Variants in NAV1 observed in about 807,000 individuals in gnomAD.
NAV1 encodes neuron navigator 1.
Under a neutral mutation model 175.2 loss-of-function variants are expected in NAV1, and 18 were observed. That is an observed-to-expected ratio of 0.10 (90% confidence interval 0.07 to 0.15). NAV1 has a LOEUF of 0.15. Ranked by LOEUF, NAV1 falls within the 10% of genes least tolerant of loss-of-function variation. NAV1 has a pLI of 1.00. For synonymous variants in NAV1, 897 were observed against 978.7 expected, an observed-to-expected ratio of 0.92 and a Z score of 1.56; for missense variants, 1,731 against 2,436.6, an observed-to-expected ratio of 0.71 and a Z score of 6.10.
At chr1:201,667,571 G>A (rs1396078249) in intron 1 of NAV1, among the ~76,000 whole-genome samples, 1 of 152,168 alleles carries the variant, frequency 6.6e-6, no homozygotes, top group Non-Finnish European at 1.5e-5. Flanking sequence ...GATTCTTCTT[G>A]GTTCTTATTT....
At chr1:201,688,123 T>C (rs1328859726) in intron 1 of NAV1, 2 of 152,238 alleles carry the variant, frequency 1.3e-5, no homozygotes, top group Non-Finnish European at 2.9e-5. Flanking sequence ...AGCAAGGTTG[T>C]CGGCTCTTCA....
chr1:201,595,863 C>T (rs1667334217), intron 2 of NAV1, among the ~76,000 whole-genome samples: 1 of 152,266 alleles, frequency 6.6e-6, no homozygotes, highest in Admixed American at 6.5e-5. Flanking sequence ...CCATGTCCTT[C>T]CTGATGCAGC....
intron 1 of NAV1, among the ~76,000 whole-genome samples, chr1:201,664,544 A>G (rs570801343): frequency 6.6e-6 from 1 of 152,312 alleles, no homozygotes; most frequent in East Asian, 1.9e-4. Flanking sequence ...AAGCGCCCCA[A>G]AATTGATTGT....
chr1:201,754,856 A>G (rs1238996255), intron 3 of NAV1, among the ~76,000 whole-genome samples: 7 of 152,240 alleles, frequency 4.6e-5, no homozygotes, highest in Admixed American at 1.3e-4. Flanking sequence ...GTTTCATTCA[A>G]TATGTACAAT....
chr1:201,737,721 C>T (rs544628642), intron 3 of NAV1, among the ~76,000 whole-genome samples: 2 of 152,202 alleles, frequency 1.3e-5, no homozygotes, highest in African/African-American at 2.4e-5. Context: ...TCAGATCTCC[C>T]TCCTTCCAGG....
In NAV1 at chr1:201,767,598, T is replaced by C. The variant is rs150815509; in HGVS notation, c.1227-12823T>C. 6.9e-3 allele frequency among the ~76,000 whole-genome samples: 1,048 copies of C among 152,352 alleles called. 9 individuals are homozygous for C. Among genetic ancestry groups the C allele is most frequent in the African/African-American group, 0.024 (1,001 of 41,570 alleles). ...ATTAAGATATATTTTCCTTTTCTAC[T>C]AAGTCTTTGAAAGCTTACTCCACAT... On this transcript the variant is annotated intron_variant, in intron 3 of 29. Transcript: ENST00000367296.
intron 2 of NAV1, among the ~76,000 whole-genome samples, chr1:201,594,822 G>A (rs922111930): frequency 2.6e-5 from 4 of 152,194 alleles, no homozygotes; most frequent in Non-Finnish European, 5.9e-5. Context: ...TGTCCAGCAC[G>A]GGAACCTGCT....
At chr1:201,569,558 C>A (rs1666467915) in intron 1 of NAV1, among the ~76,000 whole-genome samples, 1 of 152,170 alleles carries the variant, frequency 6.6e-6, no homozygotes, top group South Asian at 2.1e-4. Context: ...CCATCCTTCC[C>A]AGCTGACATC....
rs932219842 is a variant in NAV1, at chr1:201,566,895, T to C, written c.-143-21644T>C. Among the ~76,000 whole-genome samples, 10 of 152,310 alleles carry C rather than the reference T, an allele frequency of 6.6e-5. No individual in the cohort carries two copies. The South Asian group carries it at 2.1e-3, about 32-fold the overall frequency. Reference sequence around the variant, plus strand: ...TTGCTTAATATTATCTCAGATGTTTTTCTGTATCGATCAAATCTCTGTACA... The same window carrying C: ...TTGCTTAATATTATCTCAGATGTTTCTCTGTATCGATCAAATCTCTGTACA... On this transcript the variant is annotated intron_variant, in intron 1 of 33. Coordinates refer to the NAV1 transcript ENST00000685211.
At chr1:201,657,954 G>T (rs998096363) in intron 1 of NAV1, among the ~76,000 whole-genome samples, 19 of 152,110 alleles carry the variant, frequency 1.2e-4, no homozygotes, top group African/African-American at 4.6e-4. Context: ...GATCACTTGA[G>T]CCCGGGAGGT....
rs1672237728 is a variant in NAV1, at chr1:201,718,630, C to A, written c.1101C>A (p.Ser367Arg). ...CCATGCGCAGCCCCAGCAAGCTCAG[C>A]CATATCTCCCGCCTGGAGCTGGTCG... The change falls in exon 3 of 30, where the codon AGC (serine) becomes AGA (arginine). Residue 367 changes from serine to arginine, a missense_variant. This residue lies in a region of NAV1 where 487 missense variants were observed against 581.3 expected (regional missense o/e 0.84). Transcript: ENST00000367296. This position sits in a 1 kb window ranked among gnomAD's most constrained non-coding sequence, Gnocchi z 4.8. 1 of 1,614,082 alleles carries A rather than the reference C, an allele frequency of 6.2e-7. No homozygotes were observed.
At chr1:201,615,419 C>T (rs34824469) in intron 2 of NAV1, among the ~76,000 whole-genome samples, 437 of 152,186 alleles carry the variant, frequency 2.9e-3, no homozygotes, top group Non-Finnish European at 5.3e-3. Context: ...CACCTGCCAC[C>T]GCACCTGGCT....
At chr1:201,588,347 T>A (rs1413693383) in intron 1 of NAV1, among the ~76,000 whole-genome samples, 192 bp from the exon 2 acceptor site, 6 of 152,044 alleles carry the variant, frequency 3.9e-5, no homozygotes, top group African/African-American at 1.4e-4. Context: ...CATATGAGTT[T>A]TTGTTTGTTT....
intron 1 of NAV1, among the ~76,000 whole-genome samples, chr1:201,624,738 A>C (rs1199781665): frequency 6.6e-6 from 1 of 152,232 alleles, no homozygotes; most frequent in Non-Finnish European, 1.5e-5. Flanking sequence ...TATATAGTTT[A>C]GAAATGCCCA....
At chr1:201,710,628 T>C (rs534416315) in intron 1 of NAV1, among the ~76,000 whole-genome samples, 1 of 152,344 alleles carries the variant, frequency 6.6e-6, no homozygotes, top group Non-Finnish European at 1.5e-5. Flanking sequence ...TTGATGCTAG[T>C]GGTGCAGAGA....
exon 12 of NAV1, chr1:201,790,566 A>G: frequency 6.2e-7 from 1 of 1,614,044 alleles, no homozygotes; most frequent in African/African-American, 1.3e-5. Context: ...TGAGGAGAGG[A>G]TGCAATCTGA....
At chr1:201,573,196 A>G (rs1305738979) in intron 1 of NAV1, among the ~76,000 whole-genome samples, 1 of 152,250 alleles carries the variant, frequency 6.6e-6, no homozygotes, top group Non-Finnish European at 1.5e-5. Context: ...TGACTGATTC[A>G]AAGGATGTAC....
intron 1 of NAV1, among the ~76,000 whole-genome samples, chr1:201,689,858 G>T (rs928335834): frequency 1.2e-4 from 18 of 152,188 alleles, no homozygotes; most frequent in Admixed American, 4.6e-4. Context: ...GCTCCCCAGA[G>T]TGTGTCTATT....
chr1:201,788,733 C>T lies in NAV1; in HGVS notation c.3166+95C>T. 4.5e-6 allele frequency: 6 copies of T among 1,332,128 alleles called. No individual in the cohort carries two copies. Among genetic ancestry groups the T allele is most frequent in the Non-Finnish European group, 6.2e-6 (6 of 970,326 alleles). The allele number at this position is 1,332,128 out of a possible 1,614,324, so 82.5% of individuals were successfully genotyped here. A position where few individuals can be genotyped will look rare whatever the true frequency, so the allele number is the denominator to read the frequency against. On this transcript the variant is annotated intron_variant, in intron 10 of 29. Transcript: ENST00000367296. The surrounding 1 kb of genome is among the most constrained non-coding windows in gnomAD (Gnocchi z 5.7). ...CTCCCACCACTCCTACCACCACACA[C>T]ATATATGATTCACAGAACATCAAGT...
Sources: allele counts gnomAD v4.1 joint callset (sites outside exome capture counted in the v4.1 genomes callset), GRCh38; gene constraint gnomAD v4.1.1; regional missense constraint gnomAD v4.1.1; non-coding constraint Gnocchi (gnomAD v3.1); transcripts MANE v1.5; gene names NCBI Gene and HGNC (gene_info 2026-07-23, HGNC 2026-07-21).